The following TSHZ2 variants were observed in gnomAD, a reference collection of about 807,000 sequenced individuals.
TSHZ2 encodes the protein teashirt zinc finger homeobox 2.
In TSHZ2, 21 loss-of-function variants were observed where a neutral mutation model predicts 74.4. The observed-to-expected ratio is 0.28, with a 90% confidence interval of 0.20 to 0.41. TSHZ2 has a LOEUF of 0.41. Ranked by LOEUF, TSHZ2 falls within the 10% of genes least tolerant of loss-of-function variation. The pLI is 1.00. For synonymous variants in TSHZ2, 540 were observed against 515.3 expected, an observed-to-expected ratio of 1.05 and a Z score of -0.65; for missense variants, 1,244 against 1,293.5, an observed-to-expected ratio of 0.96 and a Z score of 0.59.
At chr20:53,006,601 T>C (rs1008440807) in intron 1 of TSHZ2, among the ~76,000 whole-genome samples, 1 of 152,238 alleles carries the variant, frequency 6.6e-6, no homozygotes, top group African/African-American at 2.4e-5. Flanking sequence ...TGTTGCCAGA[T>C]CTTTTGGTTT....
intron 2 of TSHZ2, among the ~76,000 whole-genome samples, chr20:53,476,204 A>C (rs865960169): frequency 5.0e-4 from 73 of 145,962 alleles, no homozygotes; most frequent in African/African-American, 1.3e-3. Context: ...GAGACACAAC[A>C]AAAAAAGAGA....
intron 2 of TSHZ2, among the ~76,000 whole-genome samples, chr20:53,319,176 G>T (rs183034421): frequency 6.6e-6 from 1 of 152,136 alleles, no homozygotes; most frequent in Non-Finnish European, 1.5e-5. Flanking sequence ...CACTCATTTC[G>T]TTCAGCTAAT....
intron 1 of TSHZ2, among the ~76,000 whole-genome samples, chr20:53,173,574 C>T (rs1988254306): frequency 6.6e-6 from 1 of 152,138 alleles, no homozygotes; most frequent in Admixed American, 6.6e-5. Flanking sequence ...CGCCACTGCA[C>T]TCCAGCCTGG....
rs7263063 is a variant in TSHZ2 at position 53,472,782 on chromosome 20, G to A, written c.*9-14362G>A. 4.8e-3 allele frequency among the ~76,000 whole-genome samples: 730 copies of A among 150,816 alleles called. 11 individuals are homozygous for A. Among genetic ancestry groups the A allele is most frequent in the African/African-American group, 0.016 (667 of 40,902 alleles). On this transcript the variant is annotated intron_variant, in intron 2 of 2. Coordinates refer to ENST00000371497, the MANE Select transcript of TSHZ2 (RefSeq NM_173485.6). The stretch of plus-strand genomic sequence containing the variant: ...CACTAGGGAGTGGCAGACAGTGGGC[G>A]CAGGTCAGTGGGTGCGCGCACCGTG...
chr20:53,468,688 CAAAAAAAAAAA>C (rs1158529552), intron 2 of TSHZ2, among the ~76,000 whole-genome samples: 1,241 of 65,406 alleles, frequency 0.019, 36 homozygotes, highest in African/African-American at 0.062. Context: ...CATTACGAGA[CAAAAAAAAAAA>C]AAAAAAAAAA....
intron 1 of TSHZ2, among the ~76,000 whole-genome samples, chr20:53,157,019 A>G (rs1416426521): frequency 6.6e-6 from 1 of 152,130 alleles, no homozygotes; most frequent in Non-Finnish European, 1.5e-5. Flanking sequence ...CCATCTAATT[A>G]CCTGTGACTC....
intron 2 of TSHZ2, among the ~76,000 whole-genome samples, chr20:53,387,609 CT>C (rs1486066359): frequency 5.9e-5 from 9 of 152,158 alleles, no homozygotes; most frequent in African/African-American, 2.2e-4. Context: ...AGAAACCAAC[CT>C]GACACTTGGA....
chr20:53,367,381 G>A (rs1020190781), intron 2 of TSHZ2, among the ~76,000 whole-genome samples: 2 of 151,742 alleles, frequency 1.3e-5, no homozygotes, highest in Non-Finnish European at 2.9e-5. Context: ...TCCAGCCTGG[G>A]TGATAAAATG....
chr20:53,011,021 A>C (rs147048587), intron 1 of TSHZ2, among the ~76,000 whole-genome samples: 47 of 152,340 alleles, frequency 3.1e-4, no homozygotes, highest in African/African-American at 1.1e-3. Flanking sequence ...AAATACTTGT[A>C]AGTAATACCA....
At chr20:53,046,669 C>T (rs1016728375) in intron 1 of TSHZ2, among the ~76,000 whole-genome samples, 1 of 151,946 alleles carries the variant, frequency 6.6e-6, no homozygotes, top group African/African-American at 2.4e-5. Context: ...ACCCTGGGAA[C>T]TCAGCCCAAG....
chr20:52,984,487 C>A (rs921822421), intron 1 of TSHZ2, among the ~76,000 whole-genome samples: 1 of 152,116 alleles, frequency 6.6e-6, no homozygotes, highest in Non-Finnish European at 1.5e-5. Flanking sequence ...GAAGACAGTG[C>A]CAGGCACAGC....
chr20:53,470,538 G>A (rs976703805), intron 2 of TSHZ2, among the ~76,000 whole-genome samples: 24 of 152,188 alleles, frequency 1.6e-4, no homozygotes, highest in East Asian at 9.7e-4. Context: ...ACACTTGGCC[G>A]GGCGCGGTGG....
chr20:53,045,143 G>A (rs773443540), intron 1 of TSHZ2, among the ~76,000 whole-genome samples: 25 of 152,316 alleles, frequency 1.6e-4, no homozygotes, highest in Admixed American at 6.5e-5. Flanking sequence ...GGTCAACTGA[G>A]GGCTTCTTCT....
chr20:53,017,999 G>C (rs1295733349), intron 1 of TSHZ2, among the ~76,000 whole-genome samples: 1 of 152,168 alleles, frequency 6.6e-6, no homozygotes, highest in African/African-American at 2.4e-5. Flanking sequence ...CAGTGAAAGA[G>C]ACGAACATCG....
At chr20:53,156,842 C>T (rs1166845350) in intron 1 of TSHZ2, among the ~76,000 whole-genome samples, 2 of 152,164 alleles carry the variant, frequency 1.3e-5, no homozygotes, top group African/African-American at 2.4e-5. Flanking sequence ...TATAAGATAA[C>T]GTTTCTGTAG....
chr20:53,324,242 T>G (rs1355600114), intron 2 of TSHZ2, among the ~76,000 whole-genome samples: 1 of 152,132 alleles, frequency 6.6e-6, no homozygotes. Flanking sequence ...CTCGGAATCA[T>G]CAGAGAGCAG....
chr20:53,195,424 AG>A (rs1453024897), intron 1 of TSHZ2, among the ~76,000 whole-genome samples: 1 of 152,204 alleles, frequency 6.6e-6, no homozygotes, highest in Non-Finnish European at 1.5e-5. Context: ...AAAGATATAC[AG>A]GTAAATAAAG....
chr20:53,127,994 T>C (rs528786010), intron 1 of TSHZ2, among the ~76,000 whole-genome samples: 14 of 147,762 alleles, frequency 9.5e-5, no homozygotes, highest in Non-Finnish European at 1.8e-4. Context: ...TGCAAATGAG[T>C]GTTCTTTTTT....
chr20:53,081,726 C>A (rs1178259195), intron 1 of TSHZ2, among the ~76,000 whole-genome samples: 2 of 152,034 alleles, frequency 1.3e-5, no homozygotes, highest in Non-Finnish European at 1.5e-5. Flanking sequence ...TATTAGGTTC[C>A]TGCTTTTTTA....
Sources: gnomAD v4.1 joint callset for allele counts (sites outside exome capture counted in the v4.1 genomes callset) on GRCh38, gnomAD v4.1.1 for gene constraint, MANE v1.5 for transcripts, NCBI Gene and HGNC (gene_info 2026-07-23, HGNC 2026-07-21) for gene names.